The following ANKRD28 variants were observed in gnomAD, a reference collection of about 807,000 sequenced individuals.
ANKRD28 encodes the protein ankyrin repeat domain 28, also known as serine/threonine-protein phosphatase 6 regulatory ankyrin repeat subunit A.
Under a neutral mutation model 126.5 loss-of-function variants are expected in ANKRD28, and 44 were observed. The ratio of observed to expected loss-of-function variants is 0.35; its 90% CI spans 0.27 to 0.45. The LOEUF is 0.45. ANKRD28 is among the 20% of genes least tolerant of loss of function. The pLI is 1.00. For synonymous variants in ANKRD28, 442 were observed against 468.5 expected, an observed-to-expected ratio of 0.94 and a Z score of 0.73; for missense variants, 1,110 against 1,316.6, an observed-to-expected ratio of 0.84 and a Z score of 2.43.
In ANKRD28 at chr3:15,766,169, T is replaced by C. The variant is rs2058727254; in HGVS notation, c.280+65A>G. On this transcript the variant is annotated intron_variant, in intron 3 of 27. Coordinates refer to ENST00000683139, the MANE Select transcript of ANKRD28 (RefSeq NM_001349278.2). The stretch of plus-strand genomic sequence containing the variant: ...CCATGCAGTAAATAGTCAATTATGA[T>C]TGAGAAACATTAAGAATAACAAAAA... The C allele has an allele frequency of 3.9e-6, 5 of 1,278,510 alleles. No individual in the cohort carries two copies. In the African/African-American group the frequency reaches 5.9e-5, roughly 15 times the overall value. The allele number at this position is 1,278,510 out of a possible 1,614,324, so 79.2% of individuals were successfully genotyped here.
Position 15,796,749 on chromosome 3 carries a change from T to C in ANKRD28, c.-228A>G, listed in dbSNP as rs2125829520. 1.0e-6 allele frequency: 1 copy of C among 989,734 alleles called. No homozygotes were observed. The highest frequency in any genetic ancestry group is 1.2e-6 in the Non-Finnish European group (1 of 831,162). 61.3% of individuals were successfully genotyped at this position (989,734 alleles called of 1,614,324 possible). A position where few individuals can be genotyped will look rare whatever the true frequency, so the allele number is the denominator to read the frequency against. Reference sequence around the variant, plus strand: ...ATATAACGAAATTCTATTATTTCTGTTGGATTACTGCAATACTTAAGAAGA... The same window carrying C: ...ATATAACGAAATTCTATTATTTCTGCTGGATTACTGCAATACTTAAGAAGA... On this transcript the variant is annotated 5_prime_UTR_variant, in exon 1 of 28. Coordinates refer to ENST00000683139, the MANE Select transcript of ANKRD28 (RefSeq NM_001349278.2).
At chr3:15,793,547 T>G (rs1272767749) in intron 2 of ANKRD28, among the ~76,000 whole-genome samples, 2 of 152,174 alleles carry the variant, frequency 1.3e-5, no homozygotes, top group Non-Finnish European at 2.9e-5. Flanking sequence ...TTTGTAATGA[T>G]GGAGAAATTA....
At chr3:15,813,047 CTT>C (rs34610698) in intron 1 of ANKRD28, among the ~76,000 whole-genome samples, 6,474 of 137,428 alleles carry the variant, frequency 0.047, 452 homozygotes, top group African/African-American at 0.16. Flanking sequence ...TAATCACCTC[CTT>C]TTTTTTTTTT....
At chr3:15,721,919 T>C (rs1262722107) in intron 7 of ANKRD28, among the ~76,000 whole-genome samples, 2 of 152,122 alleles carry the variant, frequency 1.3e-5, no homozygotes, top group Admixed American at 6.5e-5. Context: ...CTAATATTTG[T>C]ATTTTAGTAG....
At chr3:15,850,232 G>T (rs867804335) in intron 1 of ANKRD28, among the ~76,000 whole-genome samples, 2,245 of 86,014 alleles carry the variant, frequency 0.026, 59 homozygotes, top group African/African-American at 0.064. Flanking sequence ...TATAGAGAGA[G>T]AGAGAGAGAG....
chr3:15,705,363 C>G (rs1395321677), intron 14 of ANKRD28, among the ~76,000 whole-genome samples: 1 of 152,046 alleles, frequency 6.6e-6, no homozygotes, highest in East Asian at 1.9e-4. Context: ...GTGCATTTGT[C>G]TAAGGGCAGA....
At chr3:15,677,113 A>G (rs1038778209) in intron 25 of ANKRD28, 57 bp from the exon 26 acceptor site, 61 of 1,360,626 alleles carry the variant, frequency 4.5e-5, no homozygotes, top group Admixed American at 2.5e-4. Flanking sequence ...ATACATTTAT[A>G]CACCCAACAA....
Position 15,816,399 on chromosome 3 carries a change from T to C in ANKRD28, c.28-21093A>G, listed in dbSNP as rs2060831821. On this transcript the variant is annotated intron_variant, in intron 1 of 27. Transcript: ENST00000399451. The surrounding 1 kb of genome is among the most constrained non-coding windows in gnomAD (Gnocchi z 5.0). ...CACAAAATCTCTCATGTATTTCCTTTTCCCTGATTTGTAATATGGGGTTAT... is the reference window on the plus strand; with the variant it reads ...CACAAAATCTCTCATGTATTTCCTTCTCCCTGATTTGTAATATGGGGTTAT... Among the ~76,000 whole-genome samples, 1 of 152,196 alleles carries C rather than the reference T, an allele frequency of 6.6e-6. No individual in the cohort carries two copies. The highest frequency in any genetic ancestry group is 6.5e-5 in the Admixed American group (1 of 15,272).
intron 2 of ANKRD28, among the ~76,000 whole-genome samples, chr3:15,770,615 C>T (rs2058952640): frequency 6.6e-6 from 1 of 152,152 alleles, no homozygotes; most frequent in Non-Finnish European, 1.5e-5. Context: ...GTCTCTGTTT[C>T]TTCTCTGCAC....
chr3:15,674,603 GA>G (rs1336333046), intron 27 of ANKRD28, among the ~76,000 whole-genome samples: 2 of 152,130 alleles, frequency 1.3e-5, no homozygotes, highest in African/African-American at 4.8e-5. Context: ...ATAAATCTGG[GA>G]ATCCTCAGCA....
chr3:15,777,033 T>C (rs2059302660), intron 2 of ANKRD28, among the ~76,000 whole-genome samples: 1 of 152,078 alleles, frequency 6.6e-6, no homozygotes, highest in Non-Finnish European at 1.5e-5. Flanking sequence ...CCCAGCACTT[T>C]GGGAGGCCGA....
intron 1 of ANKRD28, among the ~76,000 whole-genome samples, chr3:15,831,865 G>C (rs1296393516): frequency 6.6e-6 from 1 of 152,134 alleles, no homozygotes; most frequent in Non-Finnish European, 1.5e-5. Context: ...CTTTAAATAA[G>C]GATACATATA....
At chr3:15,727,787 G>A (rs975808175) in intron 6 of ANKRD28, among the ~76,000 whole-genome samples, 3 of 152,054 alleles carry the variant, frequency 2.0e-5, no homozygotes, top group Non-Finnish European at 4.4e-5. Flanking sequence ...TGCCTGAATT[G>A]CTATAATCTC....
chr3:15,793,837 G>A (rs141084021), intron 2 of ANKRD28, among the ~76,000 whole-genome samples: 121 of 152,260 alleles, frequency 7.9e-4, no homozygotes, highest in African/African-American at 2.8e-3. Context: ...AGGCCAAGGC[G>A]GGCCGATCAC....
intron 9 of ANKRD28, 27 bp downstream of exon 9, chr3:15,714,543 AAAAACCCC>A: frequency 6.7e-7 from 1 of 1,491,320 alleles, no homozygotes; most frequent in East Asian, 2.3e-5. Context: ...AAAAAAAAAA[AAAAACCCC>A]AAAAAAAAAA....
At chr3:15,859,068 T>A (rs1480360768) in intron 1 of ANKRD28, among the ~76,000 whole-genome samples, 1 of 152,074 alleles carries the variant, frequency 6.6e-6, no homozygotes, top group South Asian at 2.1e-4. Flanking sequence ...GAGCCTCACC[T>A]GGCAGGAAAG....
intron 1 of ANKRD28, among the ~76,000 whole-genome samples, chr3:15,855,508 A>T (rs570372098): frequency 6.6e-6 from 1 of 152,356 alleles, no homozygotes; most frequent in Admixed American, 6.5e-5. Flanking sequence ...CCAAAAACAG[A>T]AATAAATACT....
At chr3:15,734,234 G>GGAT (rs2074857982) in intron 6 of ANKRD28, among the ~76,000 whole-genome samples, 3 of 152,152 alleles carry the variant, frequency 2.0e-5, no homozygotes, top group Non-Finnish European at 4.4e-5. Flanking sequence ...CATATATGAG[G>GGAT]GATGGACTAT....
chr3:15,845,998 G>T lies in ANKRD28; in HGVS notation c.27+13379C>A, dbSNP rs1003734243. Reference sequence around the variant, plus strand: ...TTACAATTTGAGAAGAAATTTGGGTGGGGACACAGAGCCAAACCATATCAT... The same window carrying T: ...TTACAATTTGAGAAGAAATTTGGGTTGGGACACAGAGCCAAACCATATCAT... On this transcript the variant is annotated intron_variant, in intron 1 of 27. Transcript: ENST00000399451. This position sits in a 1 kb window ranked among gnomAD's most constrained non-coding sequence, Gnocchi z 4.9. 1.3e-5 allele frequency among the ~76,000 whole-genome samples: 2 copies of T among 152,072 alleles called. No homozygotes were observed. Among genetic ancestry groups the T allele is most frequent in the African/African-American group, 4.8e-5 (2 of 41,398 alleles).
Sources: gnomAD v4.1 joint callset for allele counts (sites outside exome capture counted in the v4.1 genomes callset) on GRCh38, gnomAD v4.1.1 for gene constraint, Gnocchi (gnomAD v3.1) non-coding constraint, MANE v1.5 for transcripts, NCBI Gene and HGNC (gene_info 2026-07-23, HGNC 2026-07-21) for gene names.